Variants in ITPRID1 observed in about 807,000 individuals in gnomAD.
ITPRID1 encodes ITPR interacting domain containing 1.
In ITPRID1, 96 loss-of-function variants were observed where a neutral mutation model predicts 95.4. The ratio of observed to expected loss-of-function variants is 1.01; its 90% CI spans 0.85 to 1.19. The LOEUF is 1.19. Ranked by LOEUF, ITPRID1 falls within the 50% of genes most tolerant of loss-of-function variation. ITPRID1 has a pLI of 0.00. For synonymous variants in ITPRID1, 510 were observed against 453.6 expected, an observed-to-expected ratio of 1.12 and a Z score of -1.58; for missense variants, 1,339 against 1,252.9, an observed-to-expected ratio of 1.07 and a Z score of -1.04.
chr7:31,541,054 A>G (rs560178344), intron 1 of ITPRID1, among the ~76,000 whole-genome samples: 2 of 152,350 alleles, frequency 1.3e-5, no homozygotes, highest in South Asian at 4.1e-4. Flanking sequence ...ACTTAAGAAT[A>G]CTCACAGATA....
chr7:31,542,426 C>G (rs543924872), intron 1 of ITPRID1, among the ~76,000 whole-genome samples: 3 of 152,266 alleles, frequency 2.0e-5, no homozygotes, highest in African/African-American at 7.2e-5. Context: ...ACTCAAATTT[C>G]TTACTTGTAA....
rs114103395 is a variant in ITPRID1, at chr7:31,544,222, T to C, written c.-97-5204T>C. On this transcript the variant is annotated intron_variant, in intron 1 of 14. Coordinates refer to ENST00000615280, the MANE Select transcript of ITPRID1 (RefSeq NM_001257967.3). ...TATGATGTTGGCTACTGATTTTTTG[T>C]AGATATTTTTTATCAAGTTGAAGAT... Among the ~76,000 whole-genome samples, 900 of 152,214 alleles carry C rather than the reference T, an allele frequency of 5.9e-3. 12 individuals carry two copies. The highest frequency in any genetic ancestry group is 0.02 in the African/African-American group (840 of 41,556).
intron 12 of ITPRID1, among the ~76,000 whole-genome samples, chr7:31,647,694 AAG>A: frequency 1.6e-5 from 1 of 63,418 alleles, no homozygotes; most frequent in Non-Finnish European, 3.9e-5. Context: ...AAAAAAAAAA[AAG>A]AAGAGGAAGA....
At chr7:31,519,618 CTCTATA>C (rs1482290275) in intron 1 of ITPRID1, among the ~76,000 whole-genome samples, 422 of 31,650 alleles carry the variant, frequency 0.013, 1 homozygote, top group Non-Finnish European at 0.015. Context: ...CTCTCTCTCT[CTCTATA>C]TATATATATA....
chr7:31,578,354 G>C lies in ITPRID1; in HGVS notation c.1090G>C (p.Glu364Gln), dbSNP rs772590110. Residue 364 changes from glutamate (E) to glutamine (Q), a missense_variant, in exon 9 of 15, where the codon GAG becomes CAG. Transcript: ENST00000615280. Reference protein sequence around the residue: ...EGSVKGRTQKENLFQTNKLKS... With the variant: ...EGSVKGRTQKQNLFQTNKLKS... ...GTCAGTCAAGGGCAGAACTCAGAAG[G>C]AGAACTTATTTCAGACTAACAAGCT... is the stretch of plus-strand genomic sequence containing the variant. 6.2e-7 allele frequency: 1 copy of C among 1,613,814 alleles called. No individual in the cohort carries two copies. The highest frequency in any genetic ancestry group is 8.5e-7 in the Non-Finnish European group (1 of 1,179,808).
At chr7:31,525,867 T>C (rs566905467) in intron 1 of ITPRID1, among the ~76,000 whole-genome samples, 32 of 152,218 alleles carry the variant, frequency 2.1e-4, no homozygotes, top group Non-Finnish European at 4.0e-4. Flanking sequence ...TTTATTCTTG[T>C]AGCTTACTAA....
intron 10 of ITPRID1, among the ~76,000 whole-genome samples, chr7:31,586,623 C>G (rs1220802882): frequency 2.0e-5 from 3 of 152,086 alleles, no homozygotes; most frequent in African/African-American, 7.2e-5. Flanking sequence ...TGTTTTTTGG[C>G]TGTATAAATG....
At position 31,549,478 on chromosome 7, in the gene ITPRID1, A is replaced by G; in HGVS notation, c.-45A>G. 1 of 1,524,912 alleles carries G rather than the reference A, an allele frequency of 6.6e-7. No homozygotes were observed. Among genetic ancestry groups the G allele is most frequent in the Non-Finnish European group, 8.8e-7 (1 of 1,142,470 alleles). 94.5% of individuals were successfully genotyped at this position (1,524,912 alleles called of 1,614,324 possible). ...ACACACAGAAGAGAAGGAAAAAGAA[A>G]GAAAACTGACCAATATGAGTGGTGA... On this transcript the variant is annotated 5_prime_UTR_variant, in exon 2 of 15. Coordinates refer to ENST00000615280, the MANE Select transcript of ITPRID1 (RefSeq NM_001257967.3).
chr7:31,610,912 C>T (rs551172771), intron 10 of ITPRID1, among the ~76,000 whole-genome samples: 1 of 151,374 alleles, frequency 6.6e-6, no homozygotes, highest in South Asian at 2.1e-4. Context: ...TTTATCCATG[C>T]TGCCAATCTC....
chr7:31,652,350 A>G (rs1400656811), intron 14 of ITPRID1, among the ~76,000 whole-genome samples, 168 bp from the exon 15 acceptor site: 1 of 152,130 alleles, frequency 6.6e-6, no homozygotes, highest in East Asian at 1.9e-4. Flanking sequence ...AGTGAAGCTC[A>G]TCTTTGTAGC....
At chr7:31,595,032 T>C (rs1235213746) in intron 10 of ITPRID1, among the ~76,000 whole-genome samples, 1 of 151,470 alleles carries the variant, frequency 6.6e-6, no homozygotes, top group African/African-American at 2.4e-5. Context: ...TATTAAAATA[T>C]CTAACAACAT....
intron 10 of ITPRID1, among the ~76,000 whole-genome samples, chr7:31,610,072 G>T (rs1338393328): frequency 2.6e-5 from 4 of 151,426 alleles, no homozygotes; most frequent in Admixed American, 2.6e-4. Context: ...CTACATATTT[G>T]TGAATTGCCT....
chr7:31,586,759 G>C (rs1785630847), intron 10 of ITPRID1, among the ~76,000 whole-genome samples: 1 of 151,786 alleles, frequency 6.6e-6, no homozygotes, highest in South Asian at 2.1e-4. Flanking sequence ...CAGATGAGTA[G>C]GTTGCGAAAA....
chr7:31,619,744 A>G (rs1286906836), intron 10 of ITPRID1, among the ~76,000 whole-genome samples: 2 of 152,122 alleles, frequency 1.3e-5, no homozygotes, highest in Admixed American at 6.5e-5. Context: ...AGGGAGTGCC[A>G]GACAGTGGGC....
At chr7:31,642,069 C>A in intron 10 of ITPRID1, 107 bp from the exon 11 acceptor site, 1 of 597,186 alleles carries the variant, frequency 1.7e-6, no homozygotes, top group Non-Finnish European at 2.8e-6. Context: ...ACACAGTGGG[C>A]ATTTCTGCAG....
chr7:31,572,872 C>A (rs1785040896), intron 7 of ITPRID1, among the ~76,000 whole-genome samples: 1 of 152,116 alleles, frequency 6.6e-6, no homozygotes. Context: ...ATTTTTGAGC[C>A]ATGTGTACCT....
At chr7:31,628,548 C>T (rs772352399) in intron 10 of ITPRID1, among the ~76,000 whole-genome samples, 12 of 151,482 alleles carry the variant, frequency 7.9e-5, no homozygotes, top group South Asian at 2.1e-4. Flanking sequence ...AGCTCTGCTT[C>T]CCGGGTTCAC....
Position 31,554,921 on chromosome 7 carries a change from T to A in ITPRID1, c.256+20T>A, listed in dbSNP as rs779058718. 2 of 1,559,322 alleles carry A rather than the reference T, an allele frequency of 1.3e-6. No individual in the cohort carries two copies. Among genetic ancestry groups the A allele is most frequent in the East Asian group, 2.3e-5 (1 of 43,062 alleles). Reference sequence around the variant, plus strand: ...GCACTGGTAAGACAAGAGAAGCAGTTATGCTTTGGGAAGCTGAGTAGGAGA... The same window carrying A: ...GCACTGGTAAGACAAGAGAAGCAGTAATGCTTTGGGAAGCTGAGTAGGAGA... On this transcript the variant is annotated intron_variant, in intron 5 of 14. Transcript: ENST00000615280.
chr7:31,575,820 T>G (rs993967325), intron 8 of ITPRID1, among the ~76,000 whole-genome samples: 3 of 152,186 alleles, frequency 2.0e-5, no homozygotes, highest in African/African-American at 7.2e-5. Context: ...CTTGGAGTTC[T>G]CATTTTAGCT....
Sources: gnomAD v4.1 joint callset for allele counts (sites outside exome capture counted in the v4.1 genomes callset) on GRCh38, gnomAD v4.1.1 for gene constraint, MANE v1.5 for transcripts, NCBI Gene and HGNC (gene_info 2026-07-23, HGNC 2026-07-21) for gene names.